TMED3: variants seen among roughly 807,000 people sequenced by gnomAD.
TMED3 encodes the protein transmembrane p24 trafficking protein 3, also known as transmembrane emp24 domain-containing protein 3.
In TMED3, 9 loss-of-function variants were observed where a neutral mutation model predicts 15.0. The ratio of observed to expected loss-of-function variants is 0.60; its 90% CI spans 0.36 to 1.04. TMED3 has a LOEUF of 1.04. TMED3 is among the 50% of genes least tolerant of loss of function. The pLI is 0.01. For missense variants in TMED3, 267 were observed against 278.9 expected (o/e 0.96, Z 0.30); for synonymous variants, 117 against 121.4 (o/e 0.96, Z 0.24).
chr15:79,373,405 T>C (rs1233369216), intron 2 of TMED3, among the ~76,000 whole-genome samples: 2 of 152,220 alleles, frequency 1.3e-5, no homozygotes, highest in Non-Finnish European at 2.9e-5. Context: ...TGGTTTAATG[T>C]GAGCAAGCCC....
At chr15:79,359,936 A>T (rs1203792003) in intron 2 of TMED3, among the ~76,000 whole-genome samples, 1 of 152,192 alleles carries the variant, frequency 6.6e-6, no homozygotes, top group East Asian at 1.9e-4. Context: ...GGAATGTCTG[A>T]TAAATTTTTA....
intron 2 of TMED3, among the ~76,000 whole-genome samples, chr15:79,377,641 G>A (rs1358301512): frequency 2.8e-5 from 4 of 142,762 alleles, no homozygotes; most frequent in Admixed American, 1.4e-4. Flanking sequence ...TGAACAAACC[G>A]TTCTTTTTTT....
At chr15:79,404,200 A>C (rs1351580562) in intron 2 of TMED3, among the ~76,000 whole-genome samples, 1 of 152,218 alleles carries the variant, frequency 6.6e-6, no homozygotes, top group South Asian at 2.1e-4. Context: ...CAGGTTAGTC[A>C]AACCCCTATA....
At chr15:79,377,297 T>TGTGTGA (rs1491369749) in intron 2 of TMED3, among the ~76,000 whole-genome samples, 215 of 99,558 alleles carry the variant, frequency 2.2e-3, no homozygotes, top group Middle Eastern at 0.011. Context: ...TGTGTGTGTG[T>TGTGTGA]GAGAGAGAGA....
At position 79,357,524 on chromosome 15, in the gene TMED3, CT is replaced by C. The variant is rs76929710; in HGVS notation, c.417+43532del. ...TACATTATTAATTTTAGAATTTAAA[CT>C]TTTTTTTTTTTTAAAGCAGAACACG... On this transcript the variant is annotated intron_variant, in intron 2 of 2. Transcript: ENST00000424155. Among the ~76,000 whole-genome samples, 442 of 130,340 alleles carry C rather than the reference CT, an allele frequency of 3.4e-3. 3 individuals carry two copies. The highest frequency in any genetic ancestry group is 8.1e-3 in the African/African-American group (286 of 35,438). 85.5% of individuals were successfully genotyped at this position (130,340 alleles called of 152,430 possible).
intron 2 of TMED3, among the ~76,000 whole-genome samples, chr15:79,339,904 G>A (rs952443953): frequency 1.8e-4 from 27 of 147,012 alleles, no homozygotes; most frequent in African/African-American, 6.6e-4. Context: ...GTGGTGATTA[G>A]GATGGTGATG....
intron 2 of TMED3, among the ~76,000 whole-genome samples, chr15:79,359,388 T>A (rs111361538): frequency 3.9e-5 from 6 of 152,084 alleles, no homozygotes; most frequent in African/African-American, 1.4e-4. Flanking sequence ...ACCCACACCA[T>A]GCCTGGCAAA....
At chr15:79,342,090 A>G (rs971131573) in intron 2 of TMED3, among the ~76,000 whole-genome samples, 14 of 152,164 alleles carry the variant, frequency 9.2e-5, no homozygotes, top group African/African-American at 3.4e-4. Context: ...TAAATATGTC[A>G]TTATCAGTTT....
intron 2 of TMED3, among the ~76,000 whole-genome samples, chr15:79,336,258 G>C (rs181005183): frequency 2.8e-3 from 419 of 152,274 alleles, no homozygotes; most frequent in Non-Finnish European, 4.2e-3. Flanking sequence ...TCCCCTCTCT[G>C]AACCTCTGTG....
chr15:79,371,112 A>T (rs534772674), intron 2 of TMED3, among the ~76,000 whole-genome samples: 2 of 152,368 alleles, frequency 1.3e-5, no homozygotes, highest in African/African-American at 4.8e-5. Flanking sequence ...TGTATCTTTT[A>T]GTTTACCAAA....
intron 2 of TMED3, among the ~76,000 whole-genome samples, chr15:79,387,784 T>G (rs1310427392): frequency 6.6e-6 from 1 of 152,200 alleles, no homozygotes; most frequent in East Asian, 1.9e-4. Context: ...AAGTTTTATA[T>G]TTCTGTTCAT....
chr15:79,333,762 C>T (rs1370838881), intron 2 of TMED3, among the ~76,000 whole-genome samples: 3 of 152,152 alleles, frequency 2.0e-5, no homozygotes, highest in African/African-American at 4.8e-5. Flanking sequence ...GAGGCCCCCA[C>T]ACCCTTTGTT....
At chr15:79,389,256 C>T (rs1428751619) in intron 2 of TMED3, among the ~76,000 whole-genome samples, 2 of 151,978 alleles carry the variant, frequency 1.3e-5, no homozygotes, top group African/African-American at 2.4e-5. Context: ...CATCTGGAGT[C>T]GATTTTTGTA....
intron 2 of TMED3, among the ~76,000 whole-genome samples, chr15:79,319,030 A>C (rs2058752714): frequency 6.6e-6 from 1 of 152,232 alleles, no homozygotes; most frequent in Non-Finnish European, 1.5e-5. Flanking sequence ...GAAAGATGAT[A>C]TGTAGCCCAA....
chr15:79,403,834 C>T (rs568833140), intron 2 of TMED3, among the ~76,000 whole-genome samples: 2 of 152,066 alleles, frequency 1.3e-5, no homozygotes, highest in African/African-American at 2.4e-5. Flanking sequence ...TAATGGTGAG[C>T]GAGACCACTG....
intron 2 of TMED3, 106 bp downstream of exon 2, chr15:79,314,111 G>T: frequency 1.4e-6 from 2 of 1,458,330 alleles, no homozygotes; most frequent in Non-Finnish European, 1.8e-6. Flanking sequence ...CCAGCTCCCA[G>T]TCTGGAAGTC....
intron 2 of TMED3, among the ~76,000 whole-genome samples, chr15:79,401,778 A>G (rs1346649551): frequency 1.3e-5 from 2 of 152,156 alleles, no homozygotes; most frequent in Non-Finnish European, 1.5e-5. Context: ...AGAAAAGAAG[A>G]TTTTCCTGTC....
chr15:79,392,131 G>T (rs1161519874), intron 2 of TMED3, among the ~76,000 whole-genome samples: 1 of 152,112 alleles, frequency 6.6e-6, no homozygotes, highest in Admixed American at 6.6e-5. Flanking sequence ...CATGCTATTT[G>T]TTCCCTGTGT....
chr15:79,369,549 C>T (rs1310465278), intron 2 of TMED3, among the ~76,000 whole-genome samples: 5 of 152,238 alleles, frequency 3.3e-5, no homozygotes, highest in South Asian at 2.1e-4. Context: ...TACCAGACCT[C>T]GCTCTTGTTA....
Sources: gnomAD v4.1 joint callset for allele counts (sites outside exome capture counted in the v4.1 genomes callset) on GRCh38, gnomAD v4.1.1 for gene constraint, MANE v1.5 for transcripts, NCBI Gene and HGNC (gene_info 2026-07-23, HGNC 2026-07-21) for gene names.